The following PDZRN4 variants were observed in gnomAD, a reference collection of about 807,000 sequenced individuals.
The protein encoded by PDZRN4 is PDZ domain containing ring finger 4, also known as PDZ domain-containing RING finger protein 4.
A neutral mutation model predicts 99.0 loss-of-function variants in PDZRN4; 70 were observed. That is an observed-to-expected ratio of 0.71 (90% CI 0.58 to 0.86). The LOEUF is 0.86. PDZRN4 is among the 40% of genes least tolerant of loss of function. The probability of loss-of-function intolerance (pLI) is 0.00; values close to 1 mark genes in which losing one functional copy is unlikely to be tolerated. For synonymous variants in PDZRN4, 551 were observed against 501.6 expected (o/e 1.10, Z -1.32); for missense variants, 1,474 against 1,331.2 (o/e 1.11, Z -1.67).
chr12:41,379,531 C>A (rs75175484), intron 3 of PDZRN4, among the ~76,000 whole-genome samples: 1,809 of 151,690 alleles, frequency 0.012, 40 homozygotes, highest in African/African-American at 0.041. Context: ...AACATTTTTG[C>A]TGCATTCCAT....
intron 3 of PDZRN4, among the ~76,000 whole-genome samples, chr12:41,419,746 A>G (rs1207704681): frequency 1.3e-5 from 2 of 152,170 alleles, no homozygotes; most frequent in Non-Finnish European, 2.9e-5. Flanking sequence ...GTCAAGAAAT[A>G]AGAGTCTATA....
At chr12:41,279,532 T>C (rs1951370282) in intron 3 of PDZRN4, among the ~76,000 whole-genome samples, 1 of 152,206 alleles carries the variant, frequency 6.6e-6, no homozygotes, top group African/African-American at 2.4e-5. Flanking sequence ...ATAATTAGTT[T>C]CTATTTTGGT....
At chr12:41,329,758 G>A (rs908004815) in intron 3 of PDZRN4, among the ~76,000 whole-genome samples, 1 of 151,948 alleles carries the variant, frequency 6.6e-6, no homozygotes, top group African/African-American at 2.4e-5. Context: ...ATCTGACATT[G>A]TTTATACAAA....
At chr12:41,321,717 C>T (rs543846121) in intron 3 of PDZRN4, among the ~76,000 whole-genome samples, 3 of 152,238 alleles carry the variant, frequency 2.0e-5, no homozygotes, top group African/African-American at 7.2e-5. Context: ...AATAGGCCAT[C>T]TCATATTGCC....
intron 3 of PDZRN4, among the ~76,000 whole-genome samples, chr12:41,478,828 T>A (rs551467922): frequency 6.6e-6 from 1 of 151,986 alleles, no homozygotes; most frequent in Non-Finnish European, 1.5e-5. Flanking sequence ...CTAGGAAAAA[T>A]TGATGAAGCT....
chr12:41,567,970 G>A, intron 9 of PDZRN4, 71 bp downstream of exon 9: 1 of 879,454 alleles, frequency 1.1e-6, no homozygotes, highest in Non-Finnish European at 1.8e-6. Flanking sequence ...AACCATAAAT[G>A]AAGATGAAAA....
chr12:41,238,402 A>G (rs920905075), intron 3 of PDZRN4, among the ~76,000 whole-genome samples: 2 of 152,210 alleles, frequency 1.3e-5, no homozygotes, highest in African/African-American at 4.8e-5. Context: ...GAGCTTCTGC[A>G]CAGCAAAAGA....
At chr12:41,230,910 A>G (rs1951024238) in intron 3 of PDZRN4, among the ~76,000 whole-genome samples, 2 of 152,130 alleles carry the variant, frequency 1.3e-5, no homozygotes, top group Non-Finnish European at 2.9e-5. Flanking sequence ...TCTGTATTTC[A>G]GTCACATTCA....
intron 3 of PDZRN4, among the ~76,000 whole-genome samples, chr12:41,414,343 C>T (rs1245297439): frequency 6.6e-6 from 1 of 152,092 alleles, no homozygotes; most frequent in East Asian, 1.9e-4. Context: ...TTTCTTGCAT[C>T]TGGATGTCTA....
At chr12:41,263,713 A>C (rs1486643362) in intron 3 of PDZRN4, among the ~76,000 whole-genome samples, 1 of 152,170 alleles carries the variant, frequency 6.6e-6, no homozygotes, top group Non-Finnish European at 1.5e-5. Flanking sequence ...AGAGTCTATC[A>C]ATAAGTTAAA....
chr12:41,262,059 A>T (rs75230635), intron 3 of PDZRN4, among the ~76,000 whole-genome samples: 1,760 of 152,176 alleles, frequency 0.012, 20 homozygotes, highest in African/African-American at 0.027. Flanking sequence ...TTTCTCTTCC[A>T]ATCTTCATCC....
intron 3 of PDZRN4, among the ~76,000 whole-genome samples, chr12:41,280,800 A>T (rs904792388): frequency 2.0e-5 from 3 of 152,024 alleles, no homozygotes; most frequent in African/African-American, 7.2e-5. Flanking sequence ...AGCAGACTTA[A>T]ACGTTCATAC....
chr12:41,522,636 T>G (rs183018072), intron 5 of PDZRN4, among the ~76,000 whole-genome samples: 1 of 152,274 alleles, frequency 6.6e-6, no homozygotes, highest in East Asian at 1.9e-4. Flanking sequence ...CTATTCTTTA[T>G]GTCTGCCAAA....
chr12:41,561,300 T>C (rs1939264917), intron 7 of PDZRN4, among the ~76,000 whole-genome samples: 1 of 152,110 alleles, frequency 6.6e-6, no homozygotes, highest in African/African-American at 2.4e-5. Flanking sequence ...TTACTAAGGA[T>C]TAAAATGTAA....
chr12:41,480,500 T>C (rs1207571625), intron 3 of PDZRN4, among the ~76,000 whole-genome samples: 1 of 152,184 alleles, frequency 6.6e-6, no homozygotes, highest in African/African-American at 2.4e-5. Context: ...GATATAAAGC[T>C]AACAGTAGTG....
At chr12:41,276,506 T>C (rs1951350874) in intron 3 of PDZRN4, among the ~76,000 whole-genome samples, 1 of 152,142 alleles carries the variant, frequency 6.6e-6, no homozygotes, top group African/African-American at 2.4e-5. Context: ...TATGAAAATA[T>C]ATATTTCATA....
At chr12:41,392,997 G>A (rs956053715) in intron 3 of PDZRN4, among the ~76,000 whole-genome samples, 1 of 152,254 alleles carries the variant, frequency 6.6e-6, no homozygotes, top group Admixed American at 6.5e-5. Flanking sequence ...TACCTGTTGT[G>A]CCCCAGGCAT....
chr12:41,493,553 G>A (rs1937930521), intron 3 of PDZRN4, among the ~76,000 whole-genome samples: 1 of 152,056 alleles, frequency 6.6e-6, no homozygotes, highest in African/African-American at 2.4e-5. Context: ...TGTAAAACAT[G>A]GTTTTCAGAA....
At chr12:41,192,467 A>G (rs931094816) in intron 2 of PDZRN4, among the ~76,000 whole-genome samples, 1 of 152,334 alleles carries the variant, frequency 6.6e-6, no homozygotes, top group Admixed American at 6.5e-5. Flanking sequence ...TTAAAAGAAG[A>G]AAAGGAAAGT....
Sources: allele counts gnomAD v4.1 joint callset (sites outside exome capture counted in the v4.1 genomes callset), GRCh38; gene constraint gnomAD v4.1.1; transcripts MANE v1.5; gene names NCBI Gene and HGNC (gene_info 2026-07-23, HGNC 2026-07-21).